TXNDC5: variants seen among roughly 807,000 people sequenced by gnomAD.
The protein encoded by TXNDC5 is thioredoxin domain containing 5, also known as thioredoxin domain-containing protein 5.
A neutral mutation model predicts 52.6 loss-of-function variants in TXNDC5; 44 were observed. That is an observed-to-expected ratio of 0.84 (90% CI 0.66 to 1.08). The LOEUF (loss-of-function observed/expected upper bound fraction) is 1.08. Ranked by LOEUF, TXNDC5 falls within the 50% of genes least tolerant of loss-of-function variation. The pLI, the probability that TXNDC5 is intolerant of heterozygous loss-of-function variation, is 0.00. For synonymous variants in TXNDC5, 241 were observed against 234.4 expected (o/e 1.03, Z -0.26); for missense variants, 600 against 565.5 (o/e 1.06, Z -0.62).
At chr6:7,892,188 A>G (rs1419293593) in intron 4 of TXNDC5, among the ~76,000 whole-genome samples, 1 of 152,224 alleles carries the variant, frequency 6.6e-6, no homozygotes, top group African/African-American at 2.4e-5. Flanking sequence ...AAGAGAGACA[A>G]CTGGACGTTC....
At chr6:7,883,743 T>C (rs368572113) in intron 9 of TXNDC5, among the ~76,000 whole-genome samples, 1 of 152,208 alleles carries the variant, frequency 6.6e-6, no homozygotes, top group South Asian at 2.1e-4. Flanking sequence ...TGGTATCTTT[T>C]AATGATAAGG....
chr6:7,883,803 G>A (rs952084999), intron 9 of TXNDC5, among the ~76,000 whole-genome samples: 1 of 152,066 alleles, frequency 6.6e-6, no homozygotes, highest in Non-Finnish European at 1.5e-5. Flanking sequence ...CTCCAAAAGT[G>A]TCTGAATAAC....
chr6:7,907,007 T>G (rs755043607), intron 1 of TXNDC5, among the ~76,000 whole-genome samples: 8 of 152,216 alleles, frequency 5.3e-5, no homozygotes, highest in Non-Finnish European at 8.8e-5. Flanking sequence ...GGGGACTGAC[T>G]GACTGACTGG....
intron 1 of TXNDC5, among the ~76,000 whole-genome samples, chr6:7,908,518 T>TAA (rs10708121): frequency 0.018 from 2,585 of 144,538 alleles, 56 homozygotes; most frequent in African/African-American, 0.054. Flanking sequence ...AGTTTTTCTT[T>TAA]AAAAAAAAAA....
intron 9 of TXNDC5, among the ~76,000 whole-genome samples, chr6:7,884,120 A>G (rs1759868581): frequency 6.6e-6 from 1 of 152,214 alleles, no homozygotes; most frequent in Non-Finnish European, 1.5e-5. Context: ...TGTTACTCAG[A>G]CAGCAAGGCC....
chr6:7,908,793 C>T (rs1760816741), intron 1 of TXNDC5, among the ~76,000 whole-genome samples: 1 of 152,112 alleles, frequency 6.6e-6, no homozygotes, highest in Non-Finnish European at 1.5e-5. Context: ...GCTGCGGCTG[C>T]GTACCACTGG....
At chr6:7,894,647 A>T in intron 4 of TXNDC5, 1 of 843,066 alleles carries the variant, frequency 1.2e-6, no homozygotes, top group Non-Finnish European at 1.4e-6. Flanking sequence ...AATGTACCTT[A>T]ATTAAAAAAT....
chr6:7,891,292 G>A (rs1366018636), intron 5 of TXNDC5, among the ~76,000 whole-genome samples: 2 of 152,194 alleles, frequency 1.3e-5, no homozygotes, highest in East Asian at 3.9e-4. Flanking sequence ...GAACGTGGAC[G>A]GTCTCCAAGT....
At position 7,910,558 on chromosome 6, in the gene TXNDC5, G is replaced by A. The variant is rs1394754246; in HGVS notation, c.219C>T (p.His73=). 1.4e-6 allele frequency: 2 copies of A among 1,456,194 alleles called. No homozygotes were observed. The highest frequency in any genetic ancestry group is 3.3e-5 in the East Asian group (1 of 30,494). The allele number at this position is 1,456,194 out of a possible 1,614,324, so 90.2% of individuals were successfully genotyped here. The change falls in exon 1 of 10, where the codon CAC becomes CAT. Residue 73 remains histidine (H), a synonymous_variant. Coordinates refer to ENST00000379757, the MANE Select transcript of TXNDC5 (RefSeq NM_030810.5). ...KHLYTADMFT[H]GIQSAAHFVM... ...CGAAGTGCGCGGCGCTCTGGATCCC[G>A]TGCGTGAACATGTCGGCCGTGTACA...
rs1452893873 is a variant in TXNDC5 at position 7,882,365 on chromosome 6, A to C, written c.*779T>G. 1.3e-5 allele frequency: 2 copies of C among 152,218 alleles called. No homozygotes were observed. The highest frequency in any genetic ancestry group is 2.9e-5 in the Non-Finnish European group (2 of 68,050). The allele number at this position is 152,218 out of a possible 1,614,324, so 9.4% of individuals were successfully genotyped here. A position where few individuals can be genotyped will look rare whatever the true frequency, so the allele number is the denominator to read the frequency against. ...TTTTCCATGCCTACCCTTTCTAAGG[A>C]AGACATCCAACAGTTCATGTGGGCT... On this transcript the variant is annotated 3_prime_UTR_variant, in exon 10 of 10. Transcript: ENST00000379757.
intron 2 of TXNDC5, 150 bp downstream of exon 2, chr6:7,904,424 C>T: frequency 9.8e-7 from 1 of 1,020,450 alleles, no homozygotes; most frequent in Non-Finnish European, 1.5e-6. Flanking sequence ...CCATCTAAAA[C>T]AGACACAGCA....
At chr6:7,899,851 C>A in intron 2 of TXNDC5, 170 bp from the exon 3 acceptor site, 2 of 501,630 alleles carry the variant, frequency 4.0e-6, no homozygotes. Flanking sequence ...GGAGATAATA[C>A]ATTCAGTTAA....
Position 7,893,921 on chromosome 6 carries a change from G to A in TXNDC5, c.616+1185C>T, listed in dbSNP as rs950971013. Among the ~76,000 whole-genome samples, 4 of 152,288 alleles carry A rather than the reference G, an allele frequency of 2.6e-5. No individual in the cohort carries two copies. In the South Asian group the frequency reaches 6.2e-4, roughly 24 times the overall value. ...AGCCAAAATTGCTTTCAAGTCATTC[G>A]GTGTTGGGCCAAGTTTTCTGAAACA... On this transcript the variant is annotated intron_variant, in intron 4 of 9. Transcript: ENST00000379757.
At chr6:7,902,521 C>A (rs1760603604) in intron 2 of TXNDC5, among the ~76,000 whole-genome samples, 1 of 152,156 alleles carries the variant, frequency 6.6e-6, no homozygotes. Flanking sequence ...ACAGTCGTCA[C>A]CTGCCTCGGG....
rs185904612 is a variant in TXNDC5 at position 7,893,203 on chromosome 6, C to T, written c.617-1467G>A. 8.6e-4 allele frequency among the ~76,000 whole-genome samples: 131 copies of T among 152,308 alleles called. 1 individual carries two copies. Among genetic ancestry groups the T allele is most frequent in the African/African-American group, 3.0e-3 (124 of 41,578 alleles). ...TACCAAACTGAAAGCAGGCTGTGGC[C>T]GGGGAGAGAACTAACCAGTGGCATG... On this transcript the variant is annotated intron_variant, in intron 4 of 9. Transcript: ENST00000379757.
intron 6 of TXNDC5, chr6:7,889,063 G>A (rs1046968586): frequency 1.8e-5 from 10 of 566,310 alleles, no homozygotes; most frequent in African/African-American, 3.8e-5. Context: ...TTCCCTCCAC[G>A]GGGTTACACA....
chr6:7,898,252 C>T (rs1199993199), intron 3 of TXNDC5, among the ~76,000 whole-genome samples: 2 of 152,160 alleles, frequency 1.3e-5, no homozygotes, highest in Non-Finnish European at 2.9e-5. Context: ...GACGACGTTT[C>T]ACCATGTTGG....
At chr6:7,885,139 G>GT (rs1759919652) in intron 8 of TXNDC5, among the ~76,000 whole-genome samples, 1 of 152,218 alleles carries the variant, frequency 6.6e-6, no homozygotes, top group South Asian at 2.1e-4. Context: ...CATTGCTATG[G>GT]TTCGTTCAAG....
In TXNDC5 at chr6:7,883,033, T is replaced by C; in HGVS notation, c.*111A>G. The C allele has an allele frequency of 2.8e-6, 4 of 1,449,054 alleles. No individual in the cohort carries two copies. Among genetic ancestry groups the C allele is most frequent in the Non-Finnish European group, 3.8e-6 (4 of 1,049,706 alleles). The allele number at this position is 1,449,054 out of a possible 1,614,324, so 89.8% of individuals were successfully genotyped here. ...CAAAGAAGATACCTCACGCTTAGTA[T>C]GTTCTGCTTTCTGAACAGCCACCAC... is the stretch of plus-strand genomic sequence containing the variant. On this transcript the variant is annotated 3_prime_UTR_variant, in exon 10 of 10. Transcript: ENST00000379757.
Sources: allele counts gnomAD v4.1 joint callset (sites outside exome capture counted in the v4.1 genomes callset), GRCh38; gene constraint gnomAD v4.1.1; transcripts MANE v1.5; gene names NCBI Gene and HGNC (gene_info 2026-07-23, HGNC 2026-07-21).